KRT28: variants seen among roughly 807,000 people sequenced by gnomAD.
The protein encoded by KRT28 is keratin, type I cytoskeletal 28.
Under a neutral mutation model 48.1 loss-of-function variants are expected in KRT28, and 45 were observed. The ratio of observed to expected loss-of-function variants is 0.94; its 90% CI spans 0.74 to 1.20. The LOEUF is 1.20. KRT28 is among the 50% of genes most tolerant of loss of function. The probability of loss-of-function intolerance (pLI) is 0.00; values close to 1 mark genes in which losing one functional copy is unlikely to be tolerated. For missense variants in KRT28, 571 were observed against 574.1 expected (o/e 0.99, Z 0.06); for synonymous variants, 228 against 227.4 (o/e 1.00, Z -0.03).
chr17:40,797,735 G>A (rs762560154), intron 3 of KRT28, among the ~76,000 whole-genome samples: 7 of 152,130 alleles, frequency 4.6e-5, no homozygotes, highest in Non-Finnish European at 1.0e-4. Context: ...GCCACAGAGC[G>A]AGACTCTGTC....
chr17:40,796,822 G>T lies in KRT28; in HGVS notation c.978+94C>A, dbSNP rs76534967. On this transcript the variant is annotated intron_variant, in intron 5 of 7. Coordinates refer to ENST00000306658, the MANE Select transcript of KRT28 (RefSeq NM_181535.3). ...CTCTGCTAAGTATTTGCAGGCAAAG[G>T]TATAATAGGAAAAAAGAAGGAAGGG... 19 of 1,463,098 alleles carry T rather than the reference G, an allele frequency of 1.3e-5. No homozygotes were observed. In the African/African-American group the frequency reaches 2.7e-4, roughly 21 times the overall value. 90.6% of individuals were successfully genotyped at this position (1,463,098 alleles called of 1,614,324 possible). A position where few individuals can be genotyped will look rare whatever the true frequency, so the allele number is the denominator to read the frequency against.
In KRT28 at chr17:40,799,899, T is replaced by G. The variant is rs1308800640; in HGVS notation, c.-6A>C. On this transcript the variant is annotated 5_prime_UTR_variant, in exon 1 of 8. Coordinates refer to ENST00000306658, the MANE Select transcript of KRT28 (RefSeq NM_181535.3). ...TTAGAAAATTGGAGAGACATGGTGT[T>G]TTGAGAAATGTTCACCTTGTCTATG... 6.2e-7 allele frequency: 1 copy of G among 1,601,836 alleles called. No individual in the cohort carries two copies. Among genetic ancestry groups the G allele is most frequent in the Non-Finnish European group, 8.5e-7 (1 of 1,173,772 alleles).
chr17:40,792,573 G>T lies in KRT28; in HGVS notation c.1253-4C>A. Reference sequence around the variant, plus strand: ...ACCAGTGTGGTTTTGGATAAATCTAGAAATAAAACATAGGCATACATATAT... The same window carrying T: ...ACCAGTGTGGTTTTGGATAAATCTATAAATAAAACATAGGCATACATATAT... On this transcript the variant is annotated splice_region_variant and splice_polypyrimidine_tract_variant and intron_variant, in intron 7 of 7. Coordinates refer to ENST00000306658, the MANE Select transcript of KRT28 (RefSeq NM_181535.3). 1 of 1,600,842 alleles carries T rather than the reference G, an allele frequency of 6.2e-7. No individual in the cohort carries two copies. The highest frequency in any genetic ancestry group is 8.5e-7 in the Non-Finnish European group (1 of 1,174,860).
Position 40,799,435 on chromosome 17 carries a change from A to G in KRT28, c.450+9T>C. 1 of 1,584,994 alleles carries G rather than the reference A, an allele frequency of 6.3e-7. No individual in the cohort carries two copies. Among genetic ancestry groups the G allele is most frequent in the Non-Finnish European group, 8.6e-7 (1 of 1,164,176 alleles). On this transcript the variant is annotated intron_variant, in intron 1 of 7. Transcript: ENST00000306658. ...TACTTGGGTTAGTTCCAAATCTGTG[A>G]TTTCTCACCTTATTCTTAAGATCCT...
Position 40,792,408 on chromosome 17 carries a change from C to CT in KRT28, c.*18dup. Reference sequence around the variant, plus strand: ...GTACAGGATCCTTTCCCAAATTATTCTTTTCTCTAAAATGACAGCTAGAAA... The same window carrying CT: ...GTACAGGATCCTTTCCCAAATTATTCTTTTTCTCTAAAATGACAGCTAGAAA... On this transcript the variant is annotated 3_prime_UTR_variant, in exon 8 of 8. Transcript: ENST00000306658. The CT allele has an allele frequency of 6.3e-7, 1 of 1,598,168 alleles. No individual in the cohort carries two copies. Among genetic ancestry groups the CT allele is most frequent in the South Asian group, 1.1e-5 (1 of 88,390 alleles).
chr17:40,797,481 G>A (rs1034904776), intron 3 of KRT28, among the ~76,000 whole-genome samples, 200 bp from the exon 4 acceptor site: 5 of 152,172 alleles, frequency 3.3e-5, no homozygotes, highest in Admixed American at 3.3e-4. Context: ...GGGCGAGGTG[G>A]CTCACTCCTG....
At chr17:40,799,364 G>A in intron 1 of KRT28, 80 bp downstream of exon 1, 1 of 1,122,950 alleles carries the variant, frequency 8.9e-7, no homozygotes, top group Non-Finnish European at 1.3e-6. Context: ...CAGTCATGAA[G>A]CATTTCTTAT....
chr17:40,794,372 G>A (rs1336306428), intron 5 of KRT28, among the ~76,000 whole-genome samples: 2 of 152,122 alleles, frequency 1.3e-5, no homozygotes, highest in African/African-American at 4.8e-5. Flanking sequence ...ATAAAAAATC[G>A]ATATGGGAAA....
intron 3 of KRT28, among the ~76,000 whole-genome samples, chr17:40,797,729 C>G (rs932899703): frequency 6.6e-6 from 1 of 152,104 alleles, no homozygotes; most frequent in Non-Finnish European, 1.5e-5. Flanking sequence ...AGCCTGGCCA[C>G]AGAGCGAGAC....
rs765486260 is a variant in KRT28, at chr17:40,797,166, A to G, written c.806T>C (p.Leu269Pro). Residue 269 changes from leucine to proline, a missense_variant, in exon 4 of 8, where the codon CTT becomes CCT. Coordinates refer to ENST00000306658, the MANE Select transcript of KRT28 (RefSeq NM_181535.3). Reference protein sequence around the residue: ...LNNMRAEYEALAEQNRKDAEA... With the variant: ...LNNMRAEYEAPAEQNRKDAEA... ...CGCGTCCTTGCGGTTCTGCTCTGCA[A>G]GGGCTTCGTACTCCGCTCGCATGTT... is the stretch of plus-strand genomic sequence containing the variant. 7 of 1,614,132 alleles carry G rather than the reference A, an allele frequency of 4.3e-6. No individual in the cohort carries two copies. Among genetic ancestry groups the G allele is most frequent in the Non-Finnish European group, 5.9e-6 (7 of 1,180,000 alleles).
Position 40,799,092 on chromosome 17 carries a change from C to T in KRT28, c.451-93G>A, listed in dbSNP as rs138546546. On this transcript the variant is annotated intron_variant, in intron 1 of 7. Transcript: ENST00000306658. ...ATGAAAAAGGTTACTCAAGTTTTTGCATAAAAATTTCACCTCCTTATGTAA... is the reference window on the plus strand; with the variant it reads ...ATGAAAAAGGTTACTCAAGTTTTTGTATAAAAATTTCACCTCCTTATGTAA... 463 of 807,444 alleles carry T rather than the reference C, an allele frequency of 5.7e-4. 2 individuals are homozygous for T. Among genetic ancestry groups the T allele is most frequent in the Admixed American group, 9.1e-4 (34 of 37,326 alleles). 50.0% of individuals were successfully genotyped at this position (807,444 alleles called of 1,614,324 possible). A position where few individuals can be genotyped will look rare whatever the true frequency, so the allele number is the denominator to read the frequency against.
At chr17:40,796,824 A>C in intron 5 of KRT28, 92 bp downstream of exon 5, 1 of 1,465,592 alleles carries the variant, frequency 6.8e-7, no homozygotes, top group Non-Finnish European at 9.1e-7. Flanking sequence ...AGGCAAAGGT[A>C]TAATAGGAAA....
At chr17:40,795,429 T>C (rs1308069601) in intron 5 of KRT28, among the ~76,000 whole-genome samples, 1 of 152,104 alleles carries the variant, frequency 6.6e-6, no homozygotes, top group Non-Finnish European at 1.5e-5. Context: ...GGCTGGCTTG[T>C]CAAAGAGGGA....
rs1432535769 is a variant in KRT28 at position 40,798,301 on chromosome 17, G to A, written c.624C>T (p.Thr208=). Residue 208 remains threonine, a synonymous_variant, in exon 3 of 8, where the codon ACC becomes ACT. Coordinates refer to ENST00000306658, the MANE Select transcript of KRT28 (RefSeq NM_181535.3). ...RVLDELTLCR[T]DQELQYESLS... The stretch of plus-strand genomic sequence containing the variant: ...GAGACTCATATTGCAGCTCCTGGTC[G>A]GTCCTGCAGAGCGTCAGCTCGTCCA... 8 of 1,613,152 alleles carry A rather than the reference G, an allele frequency of 5.0e-6. No homozygotes were observed. Among genetic ancestry groups the A allele is most frequent in the Non-Finnish European group, 5.9e-6 (7 of 1,179,440 alleles).
rs1904528396 is a variant in KRT28, at chr17:40,793,069, C to T, written c.1252+86G>A. 13 of 851,518 alleles carry T rather than the reference C, an allele frequency of 1.5e-5. 1 individual carries two copies. The South Asian group carries it at 2.0e-4, about 13-fold the overall frequency. The allele number at this position is 851,518 out of a possible 1,614,324, so 52.7% of individuals were successfully genotyped here. A position where few individuals can be genotyped will look rare whatever the true frequency, so the allele number is the denominator to read the frequency against. On this transcript the variant is annotated intron_variant, in intron 7 of 7. Transcript: ENST00000306658. ...GAGCCGAGATAGCACCATTGCATTC[C>T]AGCCTGGGCAACAGAGCGAGACTCT...
chr17:40,793,126 A>C, intron 7 of KRT28, 29 bp downstream of exon 7: 1 of 1,450,480 alleles, frequency 6.9e-7, no homozygotes, highest in Non-Finnish European at 9.4e-7. Context: ...AGAAAAGAAA[A>C]GAAAAGAAAT....
At chr17:40,794,449 T>C (rs1904566818) in intron 5 of KRT28, among the ~76,000 whole-genome samples, 1 of 152,346 alleles carries the variant, frequency 6.6e-6, no homozygotes, top group African/African-American at 2.4e-5. Flanking sequence ...TCTGCTACTG[T>C]CCCCGCAGAT....
intron 2 of KRT28, among the ~76,000 whole-genome samples, chr17:40,798,709 C>A (rs1056342309): frequency 2.0e-5 from 3 of 152,108 alleles, no homozygotes; most frequent in Non-Finnish European, 4.4e-5. Flanking sequence ...TGGCAGTATT[C>A]TAGGCAGGCA....
chr17:40,793,145 AT>A lies in KRT28; in HGVS notation c.1252+9del. On this transcript the variant is annotated intron_variant, in intron 7 of 7. Coordinates refer to ENST00000306658, the MANE Select transcript of KRT28 (RefSeq NM_181535.3). ...AAGAAAAGAAAAGAAATAGAACTAG[AT>A]TTTATTACCTTTAGATGAATTCCCA... The A allele has an allele frequency of 6.5e-7, 1 of 1,530,990 alleles. No homozygotes were observed. The highest frequency in any genetic ancestry group is 8.8e-7 in the Non-Finnish European group (1 of 1,130,294). 94.8% of individuals were successfully genotyped at this position (1,530,990 alleles called of 1,614,324 possible).
Sources: gnomAD v4.1 joint callset for allele counts (sites outside exome capture counted in the v4.1 genomes callset) on GRCh38, gnomAD v4.1.1 for gene constraint, MANE v1.5 for transcripts, NCBI Gene and HGNC (gene_info 2026-07-23, HGNC 2026-07-21) for gene names.